Variants in AKT3 observed in about 807,000 individuals in gnomAD.
AKT3 encodes AKT serine/threonine kinase 3, also known as RAC-gamma serine/threonine-protein kinase.
A neutral mutation model predicts 65.3 loss-of-function variants in AKT3; 15 were observed. The ratio of observed to expected loss-of-function variants is 0.23; its 90% CI spans 0.15 to 0.35. The LOEUF (loss-of-function observed/expected upper bound fraction) is 0.35. AKT3 is among the 10% of genes least tolerant of loss of function. AKT3 has a pLI of 1.00. For missense variants in AKT3, 243 were observed against 576.5 expected (o/e 0.42, Z 5.92); for synonymous variants, 206 against 183.8 (o/e 1.12, Z -0.98).
intron 5 of AKT3, among the ~76,000 whole-genome samples, chr1:243,638,245 G>C (rs942353252): frequency 6.6e-6 from 1 of 152,088 alleles, no homozygotes; most frequent in South Asian, 2.1e-4. Context: ...CGAGAACCTC[G>C]TATACTTCAG....
chr1:243,580,867 A>C (rs535772943), intron 8 of AKT3, among the ~76,000 whole-genome samples: 1 of 152,180 alleles, frequency 6.6e-6, no homozygotes, highest in Admixed American at 6.5e-5. Context: ...CTCCTCCTGG[A>C]CATAACGTTA....
At chr1:243,793,287 C>A (rs1048137945) in intron 2 of AKT3, 1 of 152,120 alleles carries the variant, frequency 6.6e-6, no homozygotes, top group Non-Finnish European at 1.5e-5. Context: ...CAGGGTCTCA[C>A]TATGTTGCCC....
chr1:243,712,494 T>C (rs1686226515), intron 2 of AKT3, among the ~76,000 whole-genome samples: 1 of 152,158 alleles, frequency 6.6e-6, no homozygotes, highest in Non-Finnish European at 1.5e-5. Flanking sequence ...TTAAATGTTT[T>C]AGGAAGGCAT....
At chr1:243,745,665 C>T (rs1413044262) in intron 2 of AKT3, among the ~76,000 whole-genome samples, 2 of 152,142 alleles carry the variant, frequency 1.3e-5, no homozygotes, top group Admixed American at 6.5e-5. Context: ...ACACAATTCA[C>T]GAGCTTAAAA....
At chr1:243,495,241 G>A (rs1255771370), downstream of AKT3, among the ~76,000 whole-genome samples, 2 of 152,224 alleles carry the variant, frequency 1.3e-5, no homozygotes, top group East Asian at 3.8e-4. Context: ...CCTGGCCTGT[G>A]CGGGGCCGCC....
At chr1:243,750,450 C>T (rs879779176) in intron 2 of AKT3, among the ~76,000 whole-genome samples, 11 of 151,744 alleles carry the variant, frequency 7.2e-5, no homozygotes, top group African/African-American at 1.7e-4. Context: ...CACGCACACA[C>T]GGTATTTTAC....
intron 8 of AKT3, among the ~76,000 whole-genome samples, chr1:243,580,677 CA>C (rs1464052413): frequency 6.6e-6 from 1 of 152,180 alleles, no homozygotes; most frequent in Non-Finnish European, 1.5e-5. Flanking sequence ...TCCTGGGCTG[CA>C]AAACTTGCAG....
intron 1 of AKT3, among the ~76,000 whole-genome samples, chr1:243,845,753 T>C (rs1161125875): frequency 6.6e-6 from 1 of 152,012 alleles, no homozygotes; most frequent in Non-Finnish European, 1.5e-5. Context: ...TATGGTCCAT[T>C]AAATACCAAG....
At chr1:243,552,038 C>G (rs1673105863) in intron 11 of AKT3, among the ~76,000 whole-genome samples, 1 of 151,850 alleles carries the variant, frequency 6.6e-6, no homozygotes, top group Non-Finnish European at 1.5e-5. Flanking sequence ...GACTGTAATC[C>G]CAGCACTTTG....
chr1:243,658,373 C>T (rs775185612), intron 4 of AKT3, among the ~76,000 whole-genome samples: 2 of 152,054 alleles, frequency 1.3e-5, no homozygotes, highest in Non-Finnish European at 2.9e-5. Flanking sequence ...TACAAATTAT[C>T]AGGGAAGTAC....
At position 243,540,836 on chromosome 1, in the gene AKT3, G is replaced by A. The variant is rs115662087; in HGVS notation, c.1251+4674C>T. Among the ~76,000 whole-genome samples, 681 of 152,122 alleles carry A rather than the reference G, an allele frequency of 4.5e-3. 7 individuals carry two copies. The highest frequency in any genetic ancestry group is 0.018 in the South Asian group (87 of 4,816). ...TTAAAGTTATCAGGCCAGGTATTTCGAGGAATGTCCCTCCCTGTGAGTTCT... is the reference window on the plus strand; with the variant it reads ...TTAAAGTTATCAGGCCAGGTATTTCAAGGAATGTCCCTCCCTGTGAGTTCT... On this transcript the variant is annotated intron_variant, in intron 12 of 13. Transcript: ENST00000673466.
chr1:243,679,002 C>G (rs957677564), intron 3 of AKT3, among the ~76,000 whole-genome samples: 1 of 152,122 alleles, frequency 6.6e-6, no homozygotes, highest in East Asian at 1.9e-4. Context: ...GAAAGACTAA[C>G]GCCTTCTCTT....
At position 243,629,064 on chromosome 1, in the gene AKT3, G is replaced by A. The variant is rs1273502223; in HGVS notation, c.561+8547C>T. On this transcript the variant is annotated intron_variant, in intron 6 of 13. Coordinates refer to ENST00000673466, the MANE Select transcript of AKT3 (RefSeq NM_005465.7). Reference sequence around the variant, plus strand: ...GGCCGAGGCAGGTGGATCACCTGAGGTCAGGAGTTTGAGACCAGCCTGACC... The same window carrying A: ...GGCCGAGGCAGGTGGATCACCTGAGATCAGGAGTTTGAGACCAGCCTGACC... Among the ~76,000 whole-genome samples, 3 of 152,070 alleles carry A rather than the reference G, an allele frequency of 2.0e-5. No homozygotes were observed. The South Asian group carries it at 6.2e-4, about 32-fold the overall frequency.
chr1:243,704,847 G>A (rs1384376965), intron 2 of AKT3, among the ~76,000 whole-genome samples: 16 of 151,944 alleles, frequency 1.1e-4, no homozygotes. Context: ...GCATAATATT[G>A]ATTAATAAGG....
downstream of AKT3, among the ~76,000 whole-genome samples, chr1:243,495,226 G>A (rs901080919): frequency 2.6e-5 from 4 of 152,248 alleles, no homozygotes; most frequent in South Asian, 8.3e-4. Context: ...GTGTGCTGGG[G>A]CCTCCCTGGC....
intron 6 of AKT3, among the ~76,000 whole-genome samples, chr1:243,635,853 T>C (rs977644837): frequency 1.3e-5 from 2 of 152,054 alleles, no homozygotes; most frequent in African/African-American, 4.8e-5. Flanking sequence ...ACCCCAGGTC[T>C]TGTCACACTC....
chr1:243,658,706 G>T (rs930329327), intron 4 of AKT3, among the ~76,000 whole-genome samples: 1 of 152,028 alleles, frequency 6.6e-6, no homozygotes, highest in Non-Finnish European at 1.5e-5. Flanking sequence ...TAGCCAAGAG[G>T]TGGAAACAAT....
At chr1:243,728,881 C>T (rs1687375497) in intron 2 of AKT3, among the ~76,000 whole-genome samples, 1 of 152,078 alleles carries the variant, frequency 6.6e-6, no homozygotes, top group East Asian at 1.9e-4. Flanking sequence ...GAAAGGAGTC[C>T]TCCATGGAGT....
intron 6 of AKT3, among the ~76,000 whole-genome samples, chr1:243,623,090 G>A (rs768029443): frequency 2.6e-5 from 4 of 152,170 alleles, no homozygotes; most frequent in Non-Finnish European, 5.9e-5. Flanking sequence ...CCTGGTCAGA[G>A]TATTTTTGTA....
Sources: allele counts gnomAD v4.1 joint callset (sites outside exome capture counted in the v4.1 genomes callset), GRCh38; gene constraint gnomAD v4.1.1; transcripts MANE v1.5; gene names NCBI Gene and HGNC (gene_info 2026-07-23, HGNC 2026-07-21).